The following PRR16 variants were observed in gnomAD, a reference collection of about 807,000 sequenced individuals.
The protein encoded by PRR16 is protein Largen.
PRR16 carries 6 observed loss-of-function variants against 18.2 expected under a neutral mutation model. The observed-to-expected ratio is 0.33, with a 90% CI of 0.18 to 0.65. The LOEUF (loss-of-function observed/expected upper bound fraction) is 0.65. Ranked by LOEUF, PRR16 falls within the 30% of genes least tolerant of loss-of-function variation. The pLI, the probability that PRR16 is intolerant of heterozygous loss-of-function variation, is 0.74. For missense variants in PRR16, 412 were observed against 376.6 expected, an observed-to-expected ratio of 1.09 and a Z score of -0.78; for synonymous variants, 151 against 147.8, an observed-to-expected ratio of 1.02 and a Z score of -0.16.
chr5:120,581,384 A>G (rs1753266749), intron 1 of PRR16, among the ~76,000 whole-genome samples: 1 of 152,024 alleles, frequency 6.6e-6, no homozygotes, highest in African/African-American at 2.4e-5. Context: ...ATCATTTTGT[A>G]TTGTGCCTAT....
intron 1 of PRR16, among the ~76,000 whole-genome samples, chr5:120,483,468 C>G (rs1749689685): frequency 6.6e-6 from 1 of 152,100 alleles, no homozygotes; most frequent in Non-Finnish European, 1.5e-5. Flanking sequence ...TACATACAAA[C>G]ACAGCTTCTC....
chr5:120,542,394 A>G (rs2112685104), intron 1 of PRR16, among the ~76,000 whole-genome samples: 1 of 152,268 alleles, frequency 6.6e-6, no homozygotes, highest in Admixed American at 6.5e-5. Flanking sequence ...TACAGGGAGT[A>G]CCTATATACT....
At chr5:120,569,323 C>G (rs1216387734) in intron 1 of PRR16, among the ~76,000 whole-genome samples, 1 of 152,082 alleles carries the variant, frequency 6.6e-6, no homozygotes, top group Non-Finnish European at 1.5e-5. Flanking sequence ...GTTTGATGCT[C>G]TGGAGAGAGG....
intron 1 of PRR16, among the ~76,000 whole-genome samples, chr5:120,597,819 T>G (rs1374589145): frequency 6.6e-6 from 1 of 151,910 alleles, no homozygotes; most frequent in Non-Finnish European, 1.5e-5. Flanking sequence ...TTTTTGGATA[T>G]TTTTCTCCCT....
At chr5:120,556,159 T>G (rs1338742842) in intron 1 of PRR16, among the ~76,000 whole-genome samples, 1 of 151,492 alleles carries the variant, frequency 6.6e-6, no homozygotes, top group Admixed American at 6.6e-5. Flanking sequence ...AAAGAGAAAC[T>G]TCAGTAAACA....
the PRR16 span, among the ~76,000 whole-genome samples, chr5:120,778,191 A>G: frequency 1.3e-5 from 2 of 152,186 alleles, no homozygotes; most frequent in African/African-American, 4.8e-5. Flanking sequence ...TGTTAAAAAA[A>G]GACAGGTGGT....
the PRR16 span, among the ~76,000 whole-genome samples, chr5:120,782,228 C>T: frequency 2.0e-5 from 3 of 152,106 alleles, no homozygotes; most frequent in Non-Finnish European, 4.4e-5. Context: ...GCAGGATTAG[C>T]TTCATTAAGT....
At chr5:120,582,620 TA>T (rs1753310589) in intron 1 of PRR16, among the ~76,000 whole-genome samples, 1 of 152,192 alleles carries the variant, frequency 6.6e-6, no homozygotes, top group African/African-American at 2.4e-5. Flanking sequence ...TTAAGGACTT[TA>T]AAAACAATCT....
intron 1 of PRR16, among the ~76,000 whole-genome samples, chr5:120,485,801 C>A (rs1749778294): frequency 6.6e-6 from 1 of 152,126 alleles, no homozygotes; most frequent in African/African-American, 2.4e-5. Flanking sequence ...CCTCCTGCCT[C>A]CCCCGACCCC....
At chr5:120,571,113 A>G (rs1752891870) in intron 1 of PRR16, among the ~76,000 whole-genome samples, 1 of 152,212 alleles carries the variant, frequency 6.6e-6, no homozygotes, top group Admixed American at 6.5e-5. Flanking sequence ...TGTTTTAAAA[A>G]TGTGTGCTTT....
chr5:120,678,789 A>G (rs561449236), intron 1 of PRR16, among the ~76,000 whole-genome samples: 3 of 152,162 alleles, frequency 2.0e-5, no homozygotes, highest in Admixed American at 6.5e-5. Context: ...TCTTTCTCTT[A>G]TCTAATTGCT....
At chr5:120,559,828 C>A (rs1261492953) in intron 1 of PRR16, among the ~76,000 whole-genome samples, 2 of 151,820 alleles carry the variant, frequency 1.3e-5, no homozygotes, top group African/African-American at 4.8e-5. Flanking sequence ...TGTTCAATTT[C>A]TTTCATCAGT....
At chr5:120,744,078 G>C in the PRR16 span, among the ~76,000 whole-genome samples, 1 of 151,888 alleles carries the variant, frequency 6.6e-6, no homozygotes, top group Non-Finnish European at 1.5e-5. Flanking sequence ...GTACATAAAA[G>C]CTGATACTAT....
At chr5:120,504,790 G>A (rs1750585750) in intron 1 of PRR16, among the ~76,000 whole-genome samples, 1 of 152,104 alleles carries the variant, frequency 6.6e-6, no homozygotes. Context: ...TTTTCATATT[G>A]CTTCTTAGGT....
the PRR16 span, among the ~76,000 whole-genome samples, chr5:120,754,511 TTA>T: frequency 3.0e-5 from 2 of 66,562 alleles, no homozygotes; most frequent in African/African-American, 1.3e-4. Flanking sequence ...ATTATGTATA[TTA>T]TATATTATAT....
At chr5:120,496,146 C>A (rs77333556) in intron 1 of PRR16, among the ~76,000 whole-genome samples, 11,149 of 152,022 alleles carry the variant, frequency 0.073, 945 homozygotes, top group African/African-American at 0.21. Context: ...GCTACTTGAT[C>A]ATGCTGTATA....
chr5:120,609,800 T>C (rs992626293), intron 1 of PRR16, among the ~76,000 whole-genome samples: 1 of 152,230 alleles, frequency 6.6e-6, no homozygotes, highest in Non-Finnish European at 1.5e-5. Flanking sequence ...TTCTCTGGAC[T>C]GTTTCTGGAA....
At chr5:120,755,958 C>G in the PRR16 span, among the ~76,000 whole-genome samples, 1 of 152,082 alleles carries the variant, frequency 6.6e-6, no homozygotes, top group African/African-American at 2.4e-5. Context: ...GGTTTAAATA[C>G]CCTCTAGTGG....
At chr5:120,580,183 C>G (rs1259630052) in intron 1 of PRR16, among the ~76,000 whole-genome samples, 1 of 152,134 alleles carries the variant, frequency 6.6e-6, no homozygotes, top group Non-Finnish European at 1.5e-5. Context: ...CAAACAGAGA[C>G]AACTTGACTT....
Sources: gnomAD v4.1 joint callset for allele counts (sites outside exome capture counted in the v4.1 genomes callset) on GRCh38, gnomAD v4.1.1 for gene constraint, MANE v1.5 for transcripts, NCBI Gene and HGNC (gene_info 2026-07-23, HGNC 2026-07-21) for gene names.